Variants in HECW1 observed in about 807,000 individuals in gnomAD.
The protein encoded by HECW1 is E3 ubiquitin-protein ligase HECW1.
A neutral mutation model predicts 182.3 loss-of-function variants in HECW1; 61 were observed. The observed-to-expected ratio is 0.33, with a 90% CI of 0.27 to 0.41. The LOEUF is 0.41. Ranked by LOEUF, HECW1 falls within the 10% of genes least tolerant of loss-of-function variation. The probability of loss-of-function intolerance (pLI) is 1.00; values close to 1 mark genes in which losing one functional copy is unlikely to be tolerated. For missense variants in HECW1, 1,739 were observed against 2,108.9 expected (o/e 0.82, Z 3.44); for synonymous variants, 859 against 832.6 (o/e 1.03, Z -0.55).
intron 2 of HECW1, among the ~76,000 whole-genome samples, chr7:43,136,105 T>G (rs964434575): frequency 1.3e-5 from 2 of 152,064 alleles, no homozygotes; most frequent in African/African-American, 4.8e-5. Context: ...CTTTGGACAG[T>G]AAAACAATCC....
chr7:43,498,533 G>C (rs527693432), intron 19 of HECW1, among the ~76,000 whole-genome samples: 1 of 152,184 alleles, frequency 6.6e-6, no homozygotes, highest in Non-Finnish European at 1.5e-5. Context: ...TCAGGATTTG[G>C]AGGAGAAAGC....
intron 2 of HECW1, among the ~76,000 whole-genome samples, chr7:43,194,844 C>A (rs897007366): frequency 5.3e-5 from 8 of 152,124 alleles, no homozygotes; most frequent in African/African-American, 1.7e-4. Flanking sequence ...CAGGCGCCTG[C>A]CCCCACACCT....
chr7:43,504,368 T>C (rs775139603), intron 21 of HECW1, among the ~76,000 whole-genome samples: 5 of 152,228 alleles, frequency 3.3e-5, no homozygotes, highest in Non-Finnish European at 7.3e-5. Flanking sequence ...CCCTTCCTAC[T>C]ACCACCCTTT....
chr7:43,488,320 GAAAGAGGAAGGAAGGAAGGAAGGAAGGA>G (rs2078731068), intron 17 of HECW1, among the ~76,000 whole-genome samples: 11 of 113,520 alleles, frequency 9.7e-5, no homozygotes, highest in African/African-American at 3.6e-4. Flanking sequence ...AAAAAAGAAA[GAAAGAGGAAGGAAGGAAGGAAGGAAGGA>G]AGGAAGGAAG....
intron 8 of HECW1, 37 bp from the exon 9 acceptor site, chr7:43,437,964 CCT>C: frequency 6.2e-7 from 1 of 1,608,048 alleles, no homozygotes; most frequent in South Asian, 1.1e-5. Context: ...AGCCCTCCAA[CCT>C]CTCAGTTAAT....
At chr7:43,372,575 T>C (rs1444689856) in intron 6 of HECW1, among the ~76,000 whole-genome samples, 4 of 152,120 alleles carry the variant, frequency 2.6e-5, no homozygotes, top group Admixed American at 2.6e-4. Flanking sequence ...TAGATTTCTT[T>C]TTTAAAAAAA....
At chr7:43,308,655 C>T (rs1415050853) in intron 3 of HECW1, among the ~76,000 whole-genome samples, 1 of 149,092 alleles carries the variant, frequency 6.7e-6, no homozygotes, top group African/African-American at 2.5e-5. Flanking sequence ...GACGGGGTCT[C>T]GCTCTTGTTG....
intron 5 of HECW1, among the ~76,000 whole-genome samples, chr7:43,339,851 T>C (rs1812742061): frequency 6.6e-6 from 1 of 152,156 alleles, no homozygotes; most frequent in Admixed American, 6.5e-5. Flanking sequence ...CCCCTCTCCC[T>C]GCCAGATCTC....
At chr7:43,139,265 T>C (rs1365436604) in intron 2 of HECW1, among the ~76,000 whole-genome samples, 2 of 152,208 alleles carry the variant, frequency 1.3e-5, no homozygotes, top group Non-Finnish European at 2.9e-5. Context: ...TAGTGTTTAA[T>C]GGGGAGCACC....
At chr7:43,548,229 TCATTA>T (rs1314277170) in intron 26 of HECW1, among the ~76,000 whole-genome samples, 1 of 149,116 alleles carries the variant, frequency 6.7e-6, no homozygotes, top group Non-Finnish European at 1.5e-5. Flanking sequence ...TTTTATGGAC[TCATTA>T]CATTTCTAAC....
chr7:43,236,056 G>A (rs931229391), intron 2 of HECW1, among the ~76,000 whole-genome samples: 4 of 151,962 alleles, frequency 2.6e-5, no homozygotes, highest in African/African-American at 9.7e-5. Context: ...ATTAATGAAG[G>A]AGGTACCTGT....
At chr7:43,501,981 C>A (rs2079380530) in intron 21 of HECW1, among the ~76,000 whole-genome samples, 1 of 152,192 alleles carries the variant, frequency 6.6e-6, no homozygotes, top group Non-Finnish European at 1.5e-5. Context: ...AGCTTTCACA[C>A]CAGACTTGAG....
chr7:43,154,753 C>G (rs371051063), intron 2 of HECW1, among the ~76,000 whole-genome samples: 47 of 152,318 alleles, frequency 3.1e-4, no homozygotes, highest in African/African-American at 8.7e-4. Context: ...TCTCCCTGCT[C>G]TCAAACCTTC....
At chr7:43,120,880 G>A (rs1054527868) in intron 2 of HECW1, among the ~76,000 whole-genome samples, 12 of 152,076 alleles carry the variant, frequency 7.9e-5, no homozygotes, top group African/African-American at 2.9e-4. Flanking sequence ...CTGGCCTCGA[G>A]TGATCTGCAA....
At chr7:43,204,084 G>A (rs1257216144) in intron 2 of HECW1, among the ~76,000 whole-genome samples, 1 of 152,176 alleles carries the variant, frequency 6.6e-6, no homozygotes, top group African/African-American at 2.4e-5. Context: ...TAATTCTTGA[G>A]GTTCTTGGCA....
At chr7:43,359,499 A>C (rs1286404158) in intron 5 of HECW1, among the ~76,000 whole-genome samples, 3 of 152,220 alleles carry the variant, frequency 2.0e-5, no homozygotes, top group Admixed American at 6.5e-5. Context: ...GCAATGTGTA[A>C]ATCTATTCAG....
At chr7:43,288,929 G>A (rs1014194189) in intron 3 of HECW1, among the ~76,000 whole-genome samples, 6 of 151,968 alleles carry the variant, frequency 3.9e-5, no homozygotes, top group South Asian at 4.2e-4. Flanking sequence ...TTTTAGTTAC[G>A]GGGATATCCA....
In HECW1 at chr7:43,271,767, G is replaced by A. The variant is rs114884521; in HGVS notation, c.27+27835G>A. On this transcript the variant is annotated intron_variant, in intron 3 of 29. Transcript: ENST00000395891. ...AAGAATCAGTATTATTAAAATGGCC[G>A]TATTTCACAAAGCAATCCACAGATA... 9.6e-3 allele frequency among the ~76,000 whole-genome samples: 1,464 copies of A among 151,998 alleles called. 30 individuals are homozygous for A. The highest frequency in any genetic ancestry group is 0.033 in the African/African-American group (1,377 of 41,498).
At chr7:43,423,653 A>G (rs1026892106) in intron 8 of HECW1, among the ~76,000 whole-genome samples, 2 of 152,196 alleles carry the variant, frequency 1.3e-5, no homozygotes, top group East Asian at 3.8e-4. Flanking sequence ...TTAGCTTGGC[A>G]CATCCATCCA....
Sources: gnomAD v4.1 joint callset for allele counts (sites outside exome capture counted in the v4.1 genomes callset) on GRCh38, gnomAD v4.1.1 for gene constraint, MANE v1.5 for transcripts, NCBI Gene and HGNC (gene_info 2026-07-23, HGNC 2026-07-21) for gene names.